ADAMTS20: variants seen among roughly 807,000 people sequenced by gnomAD.
ADAMTS20 encodes ADAM metallopeptidase with thrombospondin type 1 motif 20, also known as A disintegrin and metalloproteinase with thrombospondin motifs 20.
Under a neutral mutation model 260.1 loss-of-function variants are expected in ADAMTS20, and 225 were observed. The ratio of observed to expected loss-of-function variants is 0.87; its 90% CI spans 0.78 to 0.97. The LOEUF (loss-of-function observed/expected upper bound fraction) is 0.97, where lower values mean the gene tolerates loss of function less well. Ranked by LOEUF, ADAMTS20 falls within the 50% of genes least tolerant of loss-of-function variation. The pLI, the probability that ADAMTS20 is intolerant of heterozygous loss-of-function variation, is 0.00. For synonymous variants in ADAMTS20, 802 were observed against 769.5 expected (o/e 1.04, Z -0.70); for missense variants, 2,400 against 2,337.7 (o/e 1.03, Z -0.55).
In ADAMTS20 at chr12:43,550,979, T is replaced by C; in HGVS notation, c.383A>G (p.His128Arg). Residue 128 changes from histidine to arginine, a missense_variant, in exon 2 of 39, where the codon CAC (histidine) becomes CGC (arginine). Transcript: ENST00000389420. ...GTTGACCTGGCCGCGGTAGAAGCAG[T>C]GGCGCAGGTCCGAGGGCCCTGCGTC... ...ESDAGPSDLR[H>R]CFYRGQVNSQ... 1.9e-6 allele frequency: 3 copies of C among 1,608,572 alleles called. No homozygotes were observed. The highest frequency in any genetic ancestry group is 2.6e-6 in the Non-Finnish European group (3 of 1,176,198).
rs774283472 is a variant in ADAMTS20 at position 43,432,299 on chromosome 12, T to C, written c.3096+5A>G. 1.2e-6 allele frequency: 2 copies of C among 1,612,462 alleles called. No individual in the cohort carries two copies. Among genetic ancestry groups the C allele is most frequent in the Admixed American group, 1.7e-5 (1 of 59,788 alleles). Reference sequence around the variant, plus strand: ...ATAGTTCCAAGCATCATGTGTTTAATGTACCTCGCTCCATTCACTAGCAGC... The same window carrying C: ...ATAGTTCCAAGCATCATGTGTTTAACGTACCTCGCTCCATTCACTAGCAGC... On this transcript the variant is annotated splice_donor_5th_base_variant and intron_variant, in intron 21 of 38. Coordinates refer to ENST00000389420, the MANE Select transcript of ADAMTS20 (RefSeq NM_025003.5).
At chr12:43,409,965 A>G (rs547151526) in intron 28 of ADAMTS20, among the ~76,000 whole-genome samples, 31 of 152,344 alleles carry the variant, frequency 2.0e-4, no homozygotes, top group Non-Finnish European at 4.3e-4. Context: ...TCAGAATGCT[A>G]AAGTAAAATA....
chr12:43,354,126 G>T lies in ADAMTS20; in HGVS notation c.*83C>A. On this transcript the variant is annotated 3_prime_UTR_variant, in exon 39 of 39. Transcript: ENST00000389420. Reference sequence around the variant, plus strand: ...ATTGGACATGGAAATCTCGGGAAGGGAGATATAAAGAAATGAGCACCAGTT... The same window carrying T: ...ATTGGACATGGAAATCTCGGGAAGGTAGATATAAAGAAATGAGCACCAGTT... The T allele has an allele frequency of 9.6e-7, 1 of 1,041,836 alleles. No individual in the cohort carries two copies. The highest frequency in any genetic ancestry group is 1.4e-6 in the Non-Finnish European group (1 of 718,272). 64.5% of individuals were successfully genotyped at this position (1,041,836 alleles called of 1,614,324 possible).
chr12:43,538,385 G>A (rs11182145), intron 2 of ADAMTS20, among the ~76,000 whole-genome samples: 16,489 of 152,172 alleles, frequency 0.11, 1,194 homozygotes, highest in East Asian at 0.4. Flanking sequence ...TTCCTATAAA[G>A]TTGTTTGAAC....
intron 38 of ADAMTS20, 23 bp downstream of exon 38, chr12:43,356,461 C>A (rs1452581912): frequency 1.3e-6 from 2 of 1,509,024 alleles, no homozygotes; most frequent in African/African-American, 1.4e-5. Context: ...TTCAAACAGG[C>A]TTTTTGGTCC....
chr12:43,441,999 C>T (rs541728291), intron 16 of ADAMTS20, among the ~76,000 whole-genome samples: 72 of 152,176 alleles, frequency 4.7e-4, no homozygotes, highest in South Asian at 1.5e-3. Context: ...TAAGAATCTG[C>T]GCTTTATCAA....
chr12:43,408,492 A>G (rs1045972742), intron 28 of ADAMTS20, among the ~76,000 whole-genome samples: 1 of 152,200 alleles, frequency 6.6e-6, no homozygotes, highest in Non-Finnish European at 1.5e-5. Flanking sequence ...TAGCTGTGGG[A>G]GTTAACAGCC....
In ADAMTS20 at chr12:43,376,063, C is replaced by A. The variant is rs747882336; in HGVS notation, c.5306G>T (p.Gly1769Val). ...QGEENFSEVY[G>V]FRLKNPYQCP... ...ACCAAAACACATCTCGTACCTAAAG[C>A]CATACACTTCAGAAAAGTTTTCTTC... The change falls in exon 35 of 39, where the codon GGC becomes GTC. Residue 1769 changes from glycine (G) to valine (V), a missense_variant. Gly to Val is a moderately radical substitution (Grantham distance 109). Transcript: ENST00000389420. 3 of 1,604,796 alleles carry A rather than the reference C, an allele frequency of 1.9e-6. No individual in the cohort carries two copies. Among genetic ancestry groups the A allele is most frequent in the Admixed American group, 1.7e-5 (1 of 58,564 alleles).
At chr12:43,362,020 T>G (rs1939880260) in intron 37 of ADAMTS20, among the ~76,000 whole-genome samples, 1 of 152,206 alleles carries the variant, frequency 6.6e-6, no homozygotes, top group Admixed American at 6.5e-5. Flanking sequence ...GGCCTTGTAT[T>G]AGCAGACTAG....
rs1330779591 is a variant in ADAMTS20 at position 43,362,226 on chromosome 12, A to G, written c.5539-5638T>C. Among the ~76,000 whole-genome samples, 3 of 152,318 alleles carry G rather than the reference A, an allele frequency of 2.0e-5. No homozygotes were observed. The East Asian group carries it at 5.8e-4, about 29-fold the overall frequency. ...AAGACATCCACATATCAAGGAAAAA[A>G]CTGTTCAGAATGTTAAAAGTTTTAG... On this transcript the variant is annotated intron_variant, in intron 37 of 38. Transcript: ENST00000389420.
intron 24 of ADAMTS20, 40 bp downstream of exon 24, chr12:43,429,577 C>T (rs1941399881): frequency 1.4e-6 from 2 of 1,388,564 alleles, no homozygotes; most frequent in South Asian, 1.3e-5. Flanking sequence ...TAAAAGCTAC[C>T]ATAATAGAAA....
At chr12:43,373,878 A>G (rs1197167792) in intron 36 of ADAMTS20, among the ~76,000 whole-genome samples, 2 of 150,802 alleles carry the variant, frequency 1.3e-5, no homozygotes, top group African/African-American at 4.9e-5. Context: ...ACGGGGTTTC[A>G]CCGTTTTAGC....
chr12:43,361,331 T>G (rs1411035083), intron 37 of ADAMTS20, among the ~76,000 whole-genome samples: 1 of 152,200 alleles, frequency 6.6e-6, no homozygotes, highest in Non-Finnish European at 1.5e-5. Context: ...TCCAAAAATA[T>G]TGGGCAGTTT....
In ADAMTS20 at chr12:43,434,251, TCAC is replaced by T; in HGVS notation, c.2711_2713del (p.Cys904_Glu905delinsTer). ...CATATTATTTCTCTTTTACCTTAGT[TCAC>T]AGTCTGTATTGCAACTTTGAGTAAC... is the stretch of plus-strand genomic sequence containing the variant. On this transcript the variant is annotated stop_gained and inframe_deletion, in exon 19 of 39. Coordinates refer to ENST00000389420, the MANE Select transcript of ADAMTS20 (RefSeq NM_025003.5). LOFTEE classifies it high-confidence loss of function. 6.3e-7 allele frequency: 1 copy of T among 1,578,452 alleles called. No individual in the cohort carries two copies. The highest frequency in any genetic ancestry group is 8.6e-7 in the Non-Finnish European group (1 of 1,160,160).
intron 3 of ADAMTS20, among the ~76,000 whole-genome samples, chr12:43,504,912 C>A (rs180804055): frequency 1.1e-4 from 16 of 152,272 alleles, no homozygotes; most frequent in African/African-American, 3.6e-4. Flanking sequence ...ACCAATCTGG[C>A]AAATTTTAAA....
In ADAMTS20 at chr12:43,383,736, T is replaced by C; in HGVS notation, c.4627-8A>G. 6.2e-7 allele frequency: 1 copy of C among 1,613,760 alleles called. No homozygotes were observed. The highest frequency in any genetic ancestry group is 8.5e-7 in the Non-Finnish European group (1 of 1,179,756). ...CTCACATGATGTTGAACACTAGAAA[T>C]GCAATAACCAAATGAATAACACATT... is the stretch of plus-strand genomic sequence containing the variant. On this transcript the variant is annotated splice_region_variant and splice_polypyrimidine_tract_variant and intron_variant, in intron 30 of 38. Transcript: ENST00000389420.
At chr12:43,360,176 C>A (rs777287297) in intron 37 of ADAMTS20, among the ~76,000 whole-genome samples, 1 of 152,142 alleles carries the variant, frequency 6.6e-6, no homozygotes, top group African/African-American at 2.4e-5. Context: ...CGGCCGGGCA[C>A]GGTGGCTCAC....
chr12:43,379,758 C>G (rs529095481), intron 31 of ADAMTS20, among the ~76,000 whole-genome samples: 1 of 152,242 alleles, frequency 6.6e-6, no homozygotes, highest in East Asian at 1.9e-4. Flanking sequence ...CAACAACAAA[C>G]AGTAGCAACA....
intron 13 of ADAMTS20, 40 bp downstream of exon 13, chr12:43,452,474 C>G (rs1469127042): frequency 6.9e-6 from 11 of 1,602,392 alleles, no homozygotes; most frequent in Non-Finnish European, 9.4e-6. Context: ...TCTTACGTCT[C>G]AGAAAAATTT....
Sources: gnomAD v4.1 joint callset for allele counts (sites outside exome capture counted in the v4.1 genomes callset) on GRCh38, gnomAD v4.1.1 for gene constraint, MANE v1.5 for transcripts, NCBI Gene and HGNC (gene_info 2026-07-23, HGNC 2026-07-21) for gene names.